Variants in KLF12 observed in about 807,000 individuals in gnomAD.
KLF12 encodes the protein KLF transcription factor 12.
Under a neutral mutation model 37.8 loss-of-function variants are expected in KLF12, and 9 were observed. That is an observed-to-expected ratio of 0.24 (90% CI 0.14 to 0.42). The LOEUF is 0.42. Ranked by LOEUF, KLF12 falls within the 10% of genes least tolerant of loss-of-function variation. KLF12 has a pLI of 1.00. For missense variants in KLF12, 411 were observed against 516.0 expected, an observed-to-expected ratio of 0.80 and a Z score of 1.97; for synonymous variants, 208 against 202.1, an observed-to-expected ratio of 1.03 and a Z score of -0.25.
chr13:74,027,166 A>G (rs1444388635), intron 1 of KLF12, among the ~76,000 whole-genome samples: 1 of 152,242 alleles, frequency 6.6e-6, no homozygotes, highest in Non-Finnish European at 1.5e-5. Context: ...CTGCTTATCA[A>G]TAAGCCTTAA....
chr13:74,129,790 T>C (rs1436730720), intron 1 of KLF12, among the ~76,000 whole-genome samples: 1 of 151,664 alleles, frequency 6.6e-6, no homozygotes, highest in African/African-American at 2.4e-5. Context: ...TATGGAGCAA[T>C]AAGACTACTC....
chr13:73,954,544 G>T (rs973372090), intron 2 of KLF12, among the ~76,000 whole-genome samples: 18 of 152,182 alleles, frequency 1.2e-4, no homozygotes, highest in Non-Finnish European at 2.1e-4. Context: ...TATAACAAAA[G>T]TAGTTAGGAC....
At chr13:73,699,027 A>G (rs1874348066) in intron 7 of KLF12, among the ~76,000 whole-genome samples, 1 of 152,026 alleles carries the variant, frequency 6.6e-6, no homozygotes, top group African/African-American at 2.4e-5. Context: ...AAATACTTCA[A>G]ATTGATTTCT....
chr13:73,858,047 T>C lies in KLF12; in HGVS notation c.124-11674A>G, dbSNP rs1885697640. ...AATGTTCTGGAATGTTAACAATAGT[T>C]TTTCCATTAAGTGAATTTGTGGGTG... is the stretch of plus-strand genomic sequence containing the variant. On this transcript the variant is annotated intron_variant, in intron 3 of 7. Coordinates refer to ENST00000377669, the MANE Select transcript of KLF12 (RefSeq NM_007249.5). Among the ~76,000 whole-genome samples the C allele has an allele frequency of 2.0e-5, 3 of 152,324 alleles. No homozygotes were observed. The South Asian group carries it at 6.2e-4, about 32-fold the overall frequency.
At chr13:74,214,236 T>C in the KLF12 span, among the ~76,000 whole-genome samples, 1 of 152,214 alleles carries the variant, frequency 6.6e-6, no homozygotes, top group African/African-American at 2.4e-5. Flanking sequence ...TTTTATCAAT[T>C]CTGCCCCTCC....
chr13:74,270,126 G>C, the KLF12 span, among the ~76,000 whole-genome samples: 1 of 152,106 alleles, frequency 6.6e-6, no homozygotes, highest in Non-Finnish European at 1.5e-5. Flanking sequence ...TTACTAGGGG[G>C]AGCCTCTAAA....
At chr13:73,902,151 T>C (rs1038928334) in intron 3 of KLF12, among the ~76,000 whole-genome samples, 1 of 152,216 alleles carries the variant, frequency 6.6e-6, no homozygotes, top group East Asian at 1.9e-4. Context: ...TGTAATTACT[T>C]GGACTTTTAT....
intron 1 of KLF12, among the ~76,000 whole-genome samples, chr13:74,092,329 A>T (rs1278411855): frequency 6.6e-6 from 1 of 151,140 alleles, no homozygotes; most frequent in African/African-American, 2.4e-5. Flanking sequence ...ACTTCATCAA[A>T]ATCAAAAACT....
At chr13:74,058,897 C>A (rs1004757792) in intron 1 of KLF12, among the ~76,000 whole-genome samples, 3 of 152,168 alleles carry the variant, frequency 2.0e-5, no homozygotes, top group Non-Finnish European at 4.4e-5. Context: ...GAGCCCATCA[C>A]CCATAAATGA....
chr13:73,773,317 C>A (rs903539048), intron 5 of KLF12, among the ~76,000 whole-genome samples: 3 of 152,124 alleles, frequency 2.0e-5, no homozygotes, highest in African/African-American at 7.2e-5. Context: ...AGGGATCTCA[C>A]TGGATGGAAG....
intron 1 of KLF12, among the ~76,000 whole-genome samples, chr13:74,011,256 A>C (rs75335582): frequency 6.6e-6 from 1 of 151,814 alleles, no homozygotes; most frequent in African/African-American, 2.4e-5. Flanking sequence ...AAAAAAAAAA[A>C]AGCCATGGAA....
chr13:73,703,368 G>A (rs184503945), intron 7 of KLF12, among the ~76,000 whole-genome samples: 39 of 152,124 alleles, frequency 2.6e-4, no homozygotes, highest in African/African-American at 8.9e-4. Flanking sequence ...ATCCTGATGC[G>A]ATTTTCTTAA....
intron 3 of KLF12, among the ~76,000 whole-genome samples, chr13:73,879,505 T>C (rs914810402): frequency 3.3e-5 from 5 of 152,134 alleles, no homozygotes; most frequent in African/African-American, 1.2e-4. Flanking sequence ...CTCTCCATAA[T>C]AGGAAACATA....
chr13:74,062,368 T>C (rs144623624), intron 1 of KLF12, among the ~76,000 whole-genome samples: 1 of 152,230 alleles, frequency 6.6e-6, no homozygotes, highest in Non-Finnish European at 1.5e-5. Flanking sequence ...GGGATGAAGC[T>C]GTGTACACTT....
intron 6 of KLF12, among the ~76,000 whole-genome samples, chr13:73,753,936 T>G (rs1449687923): frequency 6.6e-6 from 1 of 152,160 alleles, no homozygotes; most frequent in Non-Finnish European, 1.5e-5. Context: ...CTTCTTGTAT[T>G]TTTTTGGAGC....
chr13:74,024,464 T>A (rs556657773), intron 1 of KLF12, among the ~76,000 whole-genome samples: 1 of 152,334 alleles, frequency 6.6e-6, no homozygotes, highest in South Asian at 2.1e-4. Context: ...CAAGAACTTA[T>A]TTTTGATACA....
At chr13:74,186,191 ATTT>A in the KLF12 span, among the ~76,000 whole-genome samples, 2 of 151,770 alleles carry the variant, frequency 1.3e-5, no homozygotes, top group African/African-American at 4.8e-5. Flanking sequence ...TGTCTAAGAG[ATTT>A]TTTTTTCTTA....
chr13:73,934,947 T>TTTG (rs1889856549), intron 3 of KLF12, among the ~76,000 whole-genome samples: 4 of 118,740 alleles, frequency 3.4e-5, no homozygotes, highest in Admixed American at 1.8e-4. Context: ...TGGATAGGTT[T>TTTG]TTATTATTTA....
At chr13:73,880,198 C>T (rs1886910935) in intron 3 of KLF12, among the ~76,000 whole-genome samples, 1 of 152,174 alleles carries the variant, frequency 6.6e-6, no homozygotes, top group South Asian at 2.1e-4. Flanking sequence ...ACACTCAGCC[C>T]ACCTGATTTT....
Sources: allele counts gnomAD v4.1 joint callset (sites outside exome capture counted in the v4.1 genomes callset), GRCh38; gene constraint gnomAD v4.1.1; transcripts MANE v1.5; gene names NCBI Gene and HGNC (gene_info 2026-07-23, HGNC 2026-07-21).